The following ANKIB1 variants were observed in gnomAD, a reference collection of about 807,000 sequenced individuals.
ANKIB1 encodes ankyrin repeat and IBR domain-containing protein 1.
ANKIB1 carries 43 observed loss-of-function variants against 122.1 expected under a neutral mutation model. That is an observed-to-expected ratio of 0.35 (90% CI 0.28 to 0.45). ANKIB1 has a LOEUF of 0.45. Among genes scored for constraint, ANKIB1 ranks in the 20% least tolerant of loss-of-function variants. The probability of loss-of-function intolerance (pLI) is 1.00; values close to 1 mark genes in which losing one functional copy is unlikely to be tolerated. For missense variants in ANKIB1, 992 were observed against 1,329.5 expected (o/e 0.75, Z 3.95); for synonymous variants, 390 against 442.0 (o/e 0.88, Z 1.48).
intron 5 of ANKIB1, among the ~76,000 whole-genome samples, chr7:92,328,566 C>T (rs1265939269): frequency 6.6e-6 from 1 of 151,980 alleles, no homozygotes; most frequent in Non-Finnish European, 1.5e-5. Flanking sequence ...TCATTGCCCA[C>T]ATGATATATG....
intron 10 of ANKIB1, among the ~76,000 whole-genome samples, chr7:92,366,206 C>G (rs1804079737): frequency 6.6e-6 from 1 of 151,960 alleles, no homozygotes; most frequent in Admixed American, 6.6e-5. Context: ...AAATATAAAG[C>G]AAGTATTTTT....
At chr7:92,393,355 T>G (rs1040336796) in intron 17 of ANKIB1, among the ~76,000 whole-genome samples, 4 of 152,120 alleles carry the variant, frequency 2.6e-5, no homozygotes, top group African/African-American at 7.2e-5. Context: ...TTGTGATATA[T>G]TAATGAAATT....
intron 1 of ANKIB1, among the ~76,000 whole-genome samples, chr7:92,288,123 C>T (rs537058054): frequency 9.2e-5 from 13 of 140,908 alleles, no homozygotes; most frequent in Admixed American, 3.5e-4. Flanking sequence ...GAAAAAAAAA[C>T]GAAATCTAGA....
At chr7:92,390,726 G>C (rs1372266489) in intron 15 of ANKIB1, among the ~76,000 whole-genome samples, 1 of 152,118 alleles carries the variant, frequency 6.6e-6, no homozygotes, top group Non-Finnish European at 1.5e-5. Context: ...TTCCACACTT[G>C]ACCCCAATCA....
chr7:92,347,380 G>A (rs901703262), intron 7 of ANKIB1, among the ~76,000 whole-genome samples: 3 of 152,092 alleles, frequency 2.0e-5, no homozygotes, highest in East Asian at 1.9e-4. Flanking sequence ...TCTTCTTCCA[G>A]TGTGGCCCAG....
chr7:92,390,507 C>T (rs1396115941), intron 15 of ANKIB1, among the ~76,000 whole-genome samples: 1 of 152,130 alleles, frequency 6.6e-6, no homozygotes, highest in African/African-American at 2.4e-5. Flanking sequence ...TTTTGAAATA[C>T]AACTGAAAAA....
At chr7:92,393,578 T>C (rs760427264) in intron 17 of ANKIB1, among the ~76,000 whole-genome samples, 1 of 152,216 alleles carries the variant, frequency 6.6e-6, no homozygotes, top group East Asian at 1.9e-4. Flanking sequence ...CCTTTGTCAG[T>C]GTATTCACAA....
At chr7:92,389,848 A>T in intron 14 of ANKIB1, 123 bp from the exon 15 acceptor site, 1 of 1,007,770 alleles carries the variant, frequency 9.9e-7, no homozygotes. Flanking sequence ...ACAGTTACTT[A>T]AAACAGTTTT....
chr7:92,390,066 T>A lies in ANKIB1; in HGVS notation c.2002T>A (p.Phe668Ile), dbSNP rs1243577707. 3 of 1,598,498 alleles carry A rather than the reference T, an allele frequency of 1.9e-6. No individual in the cohort carries two copies. Among genetic ancestry groups the A allele is most frequent in the Non-Finnish European group, 2.6e-6 (3 of 1,175,242 alleles). ...TCTCAAGTGTTCTTATCCATATGGA[T>A]TTTTCTTGGAACCTAAAAGCACAAA... ...RILKCSYPYG[F>I]FLEPKSTKKE... The change falls in exon 15 of 20, where the codon TTT becomes ATT. Residue 668 changes from phenylalanine to isoleucine, a missense_variant. Physicochemically the swap from Phe to Ile is conservative, Grantham distance 21. Coordinates refer to ENST00000265742, the MANE Select transcript of ANKIB1 (RefSeq NM_019004.2).
chr7:92,309,490 C>T (rs1802640386), intron 3 of ANKIB1, among the ~76,000 whole-genome samples: 1 of 152,152 alleles, frequency 6.6e-6, no homozygotes, highest in South Asian at 2.1e-4. Context: ...ACACAAGCTT[C>T]TCTGTACATT....
intron 1 of ANKIB1, among the ~76,000 whole-genome samples, chr7:92,249,704 G>A (rs1339617359): frequency 1.3e-5 from 2 of 151,720 alleles, no homozygotes; most frequent in African/African-American, 4.8e-5. Context: ...TGGGTGACAG[G>A]GTGAGACTCT....
intron 4 of ANKIB1, among the ~76,000 whole-genome samples, chr7:92,326,329 A>G (rs900393316): frequency 2.6e-5 from 4 of 152,208 alleles, no homozygotes; most frequent in African/African-American, 9.6e-5. Context: ...ATTTTCCCCT[A>G]TAAGTTACTT....
chr7:92,255,530 T>C (rs1801418550), intron 1 of ANKIB1, among the ~76,000 whole-genome samples: 1 of 152,218 alleles, frequency 6.6e-6, no homozygotes, highest in Non-Finnish European at 1.5e-5. Flanking sequence ...TTATATTCTT[T>C]CGCTCTTCAT....
At chr7:92,290,743 C>T (rs909825271) in intron 1 of ANKIB1, among the ~76,000 whole-genome samples, 1 of 152,034 alleles carries the variant, frequency 6.6e-6, no homozygotes, top group African/African-American at 2.4e-5. Context: ...AGATTATTAA[C>T]CTATCAATGG....
chr7:92,317,285 A>G (rs1252983081), intron 3 of ANKIB1, among the ~76,000 whole-genome samples: 1 of 152,216 alleles, frequency 6.6e-6, no homozygotes, highest in African/African-American at 2.4e-5. Context: ...GGAGATCAGA[A>G]TGACATTTTG....
At chr7:92,387,723 A>T in intron 12 of ANKIB1, 75 bp from the exon 13 acceptor site, 1 of 1,118,872 alleles carries the variant, frequency 8.9e-7, no homozygotes, top group Non-Finnish European at 1.3e-6. Context: ...TAAAACTTTT[A>T]AATGATTCCC....
chr7:92,368,510 A>T (rs912008224), intron 10 of ANKIB1, among the ~76,000 whole-genome samples: 31 of 151,980 alleles, frequency 2.0e-4, no homozygotes, highest in African/African-American at 6.8e-4. Flanking sequence ...TCAGGTCAGG[A>T]GTTTGAGACC....
intron 4 of ANKIB1, among the ~76,000 whole-genome samples, chr7:92,321,787 G>A (rs1026708625): frequency 3.3e-5 from 5 of 152,168 alleles, no homozygotes; most frequent in Admixed American, 6.6e-5. Context: ...AGTTTCTTGG[G>A]ATTAAAATTT....
chr7:92,345,053 G>A lies in ANKIB1; in HGVS notation c.1072G>A (p.Gly358Arg). 2 of 1,612,460 alleles carry A rather than the reference G, an allele frequency of 1.2e-6. No individual in the cohort carries two copies. Among genetic ancestry groups the A allele is most frequent in the Non-Finnish European group, 1.7e-6 (2 of 1,178,884 alleles). Residue 358 changes from glycine to arginine, a missense_variant, in exon 7 of 20, where the codon GGA becomes AGA. Physicochemically the swap from Gly to Arg is moderately radical, Grantham distance 125 (BLOSUM62 -2). Around this residue, in one of 4 missense-constraint regions of ANKIB1, gnomAD observed 521 missense variants for 777.7 expected, o/e 0.67. Transcript: ENST00000265742. ...DMPCGHDFCR[G>R]CWESFLNLKI... ...GCCCTGTGGACATGACTTTTGTAGAGGATGTTGGGAGTCGTGAGTATATGA... is the reference window on the plus strand; with the variant it reads ...GCCCTGTGGACATGACTTTTGTAGAAGATGTTGGGAGTCGTGAGTATATGA...
Sources: allele counts gnomAD v4.1 joint callset (sites outside exome capture counted in the v4.1 genomes callset), GRCh38; gene constraint gnomAD v4.1.1; regional missense constraint gnomAD v4.1.1; transcripts MANE v1.5; gene names NCBI Gene and HGNC (gene_info 2026-07-23, HGNC 2026-07-21).